FOXRED1: variants seen among roughly 807,000 people sequenced by gnomAD.
The protein encoded by FOXRED1 is FAD-dependent oxidoreductase domain-containing protein 1.
FOXRED1 carries 52 observed loss-of-function variants against 57.8 expected under a neutral mutation model. The observed-to-expected ratio is 0.90, with a 90% confidence interval of 0.72 to 1.13. FOXRED1 has a LOEUF of 1.13. FOXRED1 is among the 50% of genes most tolerant of loss of function. The pLI is 0.00. For missense variants in FOXRED1, 589 were observed against 625.2 expected, an observed-to-expected ratio of 0.94 and a Z score of 0.62; for synonymous variants, 271 against 248.3, an observed-to-expected ratio of 1.09 and a Z score of -0.86.
In FOXRED1 at chr11:126,269,260, G is replaced by T. The variant is rs1268592745; in HGVS notation, c.54G>T (p.Arg18Ser). 8.7e-6 allele frequency: 14 copies of T among 1,614,098 alleles called. No homozygotes were observed. Among genetic ancestry groups the T allele is most frequent in the Non-Finnish European group, 1.0e-5 (12 of 1,180,038 alleles). The part of the protein sequence containing the change: ...HGMGRGLLTR[R>S]PGTRRGGFSL... ...TGGGCCGGGGCCTCTTGACCCGGAG[G>T]CCAGGCACGCGCAGAGGAGGCTTTT... is the stretch of plus-strand genomic sequence containing the variant. The change falls in exon 1 of 11, where the codon AGG (arginine) becomes AGT (serine). Residue 18 changes from arginine to serine, a missense_variant. Arg to Ser is a moderately radical substitution (Grantham distance 110). Coordinates refer to ENST00000263578, the MANE Select transcript of FOXRED1 (RefSeq NM_017547.4).
chr11:126,277,764 TC>T lies in FOXRED1; in HGVS notation c.*79del. ...ACAGCCTTGTTTGCTGCTTCCATCT[TC>T]CCCAGTACTGTGCCAGGCCTTCTCC... On this transcript the variant is annotated 3_prime_UTR_variant, in exon 11 of 11. Coordinates refer to ENST00000263578, the MANE Select transcript of FOXRED1 (RefSeq NM_017547.4). The surrounding 1 kb of genome is among the most constrained non-coding windows in gnomAD (Gnocchi z 6.8). The T allele has an allele frequency of 6.6e-7, 1 of 1,507,778 alleles. No homozygotes were observed. The highest frequency in any genetic ancestry group is 9.2e-7 in the Non-Finnish European group (1 of 1,086,460). The allele number at this position is 1,507,778 out of a possible 1,614,324, so 93.4% of individuals were successfully genotyped here. A position where few individuals can be genotyped will look rare whatever the true frequency, so the allele number is the denominator to read the frequency against.
chr11:126,272,637 G>T lies in FOXRED1; in HGVS notation c.307-332G>T. Reference sequence around the variant, plus strand: ...CCTGTTTGCATTGCCAGCTAGCCACGAGTCTTGCTACTTTACTTCAATCAT... The same window carrying T: ...CCTGTTTGCATTGCCAGCTAGCCACTAGTCTTGCTACTTTACTTCAATCAT... On this transcript the variant is annotated intron_variant, in intron 2 of 10. Coordinates refer to ENST00000263578, the MANE Select transcript of FOXRED1 (RefSeq NM_017547.4). The surrounding 1 kb of genome is among the most constrained non-coding windows in gnomAD (Gnocchi z 4.6). 2.5e-6 allele frequency: 1 copy of T among 395,606 alleles called. No homozygotes were observed. The highest frequency in any genetic ancestry group is 4.8e-6 in the Non-Finnish European group (1 of 210,130). 24.5% of individuals were successfully genotyped at this position (395,606 alleles called of 1,614,324 possible).
At position 126,271,004 on chromosome 11, in the gene FOXRED1, G is replaced by C. The variant is rs1169927026; in HGVS notation, c.86-433G>C. On this transcript the variant is annotated intron_variant, in intron 1 of 10. Transcript: ENST00000263578. This position sits in a 1 kb window ranked among gnomAD's most constrained non-coding sequence, Gnocchi z 5.3. ...ATGGATAGGATATAAATGTAGGTTTGGTGGTGGTGATGGATATCCAGGATA... is the reference window on the plus strand; with the variant it reads ...ATGGATAGGATATAAATGTAGGTTTCGTGGTGGTGATGGATATCCAGGATA... The C allele has an allele frequency of 3.9e-6, 1 of 257,740 alleles. No homozygotes were observed. The highest frequency in any genetic ancestry group is 2.3e-5 in the African/African-American group (1 of 44,386). 16.0% of individuals were successfully genotyped at this position (257,740 alleles called of 1,614,324 possible). A position where few individuals can be genotyped will look rare whatever the true frequency, so the allele number is the denominator to read the frequency against.
chr11:126,276,324 G>GTAT, intron 8 of FOXRED1, 70 bp from the exon 9 acceptor site: 2 of 843,466 alleles, frequency 2.4e-6, no homozygotes, highest in South Asian at 1.5e-5. Context: ...TGGGGTGTGG[G>GTAT]GTGGACAGGG....
In FOXRED1 at chr11:126,277,337, C is replaced by CA. The variant is rs1220885322; in HGVS notation, c.1207-97dup. The CA allele has an allele frequency of 9.0e-6, 13 of 1,445,460 alleles. No individual in the cohort carries two copies. Among genetic ancestry groups the CA allele is most frequent in the Non-Finnish European group, 1.2e-5 (12 of 1,028,734 alleles). 89.5% of individuals were successfully genotyped at this position (1,445,460 alleles called of 1,614,324 possible). ...ACATCCCATCCCATAGACCCCTCAG[C>CA]AGCAGGTAGAGGGTACTCTGTGCTG... On this transcript the variant is annotated intron_variant, in intron 10 of 10. Coordinates refer to ENST00000263578, the MANE Select transcript of FOXRED1 (RefSeq NM_017547.4). The surrounding 1 kb of genome is among the most constrained non-coding windows in gnomAD (Gnocchi z 6.8).
chr11:126,276,358 T>C, intron 8 of FOXRED1, 36 bp from the exon 9 acceptor site: 1 of 1,136,148 alleles, frequency 8.8e-7, no homozygotes, highest in Non-Finnish European at 1.2e-6. Context: ...CCGGCCATGC[T>C]GTTTCTGCAG....
Position 126,275,706 on chromosome 11 carries a change from A to C in FOXRED1, c.734-88A>C. The stretch of plus-strand genomic sequence containing the variant: ...TCTGTGGGAAAGCTCCCATCCTTCC[A>C]GCTTTCTTTCCTTAAGAAACCAGTG... On this transcript the variant is annotated intron_variant, in intron 6 of 10. Coordinates refer to ENST00000263578, the MANE Select transcript of FOXRED1 (RefSeq NM_017547.4). This position sits in a 1 kb window ranked among gnomAD's most constrained non-coding sequence, Gnocchi z 5.9. 1.1e-6 allele frequency: 1 copy of C among 950,544 alleles called. No individual in the cohort carries two copies. Among genetic ancestry groups the C allele is most frequent in the Admixed American group, 1.9e-5 (1 of 53,760 alleles). 58.9% of individuals were successfully genotyped at this position (950,544 alleles called of 1,614,324 possible). A position where few individuals can be genotyped will look rare whatever the true frequency, so the allele number is the denominator to read the frequency against.
chr11:126,272,915 T>C lies in FOXRED1; in HGVS notation c.307-54T>C, dbSNP rs1391800747. On this transcript the variant is annotated intron_variant, in intron 2 of 10. Coordinates refer to ENST00000263578, the MANE Select transcript of FOXRED1 (RefSeq NM_017547.4). The surrounding 1 kb of genome is among the most constrained non-coding windows in gnomAD (Gnocchi z 4.6). ...GCTCGAAGCTTTCATTGCAGTATTC[T>C]AGTCACATGTGATAGGGTACTGGTC... 1 of 876,012 alleles carries C rather than the reference T, an allele frequency of 1.1e-6. No individual in the cohort carries two copies. The allele number at this position is 876,012 out of a possible 1,614,324, so 54.3% of individuals were successfully genotyped here. A position where few individuals can be genotyped will look rare whatever the true frequency, so the allele number is the denominator to read the frequency against.
At chr11:126,269,935 C>T (rs1950931367) in intron 1 of FOXRED1, among the ~76,000 whole-genome samples, 1 of 142,966 alleles carries the variant, frequency 7.0e-6, no homozygotes, top group African/African-American at 2.7e-5. Flanking sequence ...TGCAATGAGC[C>T]GAGATCATGC....
rs750019266 is a variant in FOXRED1, at chr11:126,274,961, G to T, written c.571G>T (p.Asp191Tyr). The change falls in exon 5 of 11, where the codon GAT becomes TAT. Residue 191 changes from aspartate to tyrosine, a missense_variant. Transcript: ENST00000263578. This position sits in a 1 kb window ranked among gnomAD's most constrained non-coding sequence, Gnocchi z 4.8. ...AGCCAAAGTTTCTCTGATGTCTCCT[G>T]ATCAGCTTCGGAACAAGTTTCCCTG... ...EGAKVSLMSP[D>Y]QLRNKFPWIN... 1.2e-5 allele frequency: 20 copies of T among 1,613,610 alleles called. No individual in the cohort carries two copies. Among genetic ancestry groups the T allele is most frequent in the Admixed American group, 1.7e-5 (1 of 59,998 alleles).
rs942825858 is a variant in FOXRED1 at position 126,278,067 on chromosome 11, G to T, written c.*378G>T. ...AGCACTCTGGGGCAGCCTGGCTCAG[G>T]TTTATTGATTTTCGTCTGTTTACCC... On this transcript the variant is annotated 3_prime_UTR_variant, in exon 11 of 11. Transcript: ENST00000263578. The surrounding 1 kb of genome is among the most constrained non-coding windows in gnomAD (Gnocchi z 4.8). 2.0e-6 allele frequency: 1 copy of T among 499,284 alleles called. No homozygotes were observed. The highest frequency in any genetic ancestry group is 1.9e-5 in the African/African-American group (1 of 51,898). 30.9% of individuals were successfully genotyped at this position (499,284 alleles called of 1,614,324 possible).
Position 126,270,045 on chromosome 11 carries a change from T to C in FOXRED1, c.85+754T>C, listed in dbSNP as rs374740176. Among the ~76,000 whole-genome samples, 22 of 151,040 alleles carry C rather than the reference T, an allele frequency of 1.5e-4. No individual in the cohort carries two copies. In the East Asian group the frequency reaches 2.7e-3, roughly 19 times the overall value. On this transcript the variant is annotated intron_variant, in intron 1 of 10. Coordinates refer to ENST00000263578, the MANE Select transcript of FOXRED1 (RefSeq NM_017547.4). ...AACTCAACTTAATGCTTTGCACTGC[T>C]AGCTAGTATAACGGTAGAAGTACAT...
In FOXRED1 at chr11:126,271,776, G is replaced by A. The variant is rs1380994015; in HGVS notation, c.306+119G>A. On this transcript the variant is annotated intron_variant, in intron 2 of 10. Transcript: ENST00000263578. This position sits in a 1 kb window ranked among gnomAD's most constrained non-coding sequence, Gnocchi z 5.3. ...AGACCTCAATCTCGGAGGGTCCAAC[G>A]GACAGAGATTGTGCTTTGGACTTTG... 3.6e-6 allele frequency: 3 copies of A among 831,992 alleles called. No individual in the cohort carries two copies. Among genetic ancestry groups the A allele is most frequent in the Middle Eastern group, 3.3e-4 (1 of 3,004 alleles). 51.5% of individuals were successfully genotyped at this position (831,992 alleles called of 1,614,324 possible).
At chr11:126,269,727 C>G (rs1478648886) in intron 1 of FOXRED1, among the ~76,000 whole-genome samples, 2 of 152,122 alleles carry the variant, frequency 1.3e-5, no homozygotes, top group Admixed American at 6.6e-5. Flanking sequence ...GGCGCGGGGC[C>G]TGTAATCCTA....
Position 126,271,353 on chromosome 11 carries a change from C to G in FOXRED1, c.86-84C>G. On this transcript the variant is annotated intron_variant, in intron 1 of 10. Transcript: ENST00000263578. This position sits in a 1 kb window ranked among gnomAD's most constrained non-coding sequence, Gnocchi z 5.3. ...TGCCAACTCATGTGTCTGTTTAGCT[C>G]ACCTTTTCCTGTGCCCATCCTCCAA... 4.0e-6 allele frequency: 4 copies of G among 988,050 alleles called. No homozygotes were observed. The highest frequency in any genetic ancestry group is 6.5e-6 in the Non-Finnish European group (4 of 612,884). The allele number at this position is 988,050 out of a possible 1,614,324, so 61.2% of individuals were successfully genotyped here.
At position 126,272,783 on chromosome 11, in the gene FOXRED1, A is replaced by C; in HGVS notation, c.307-186A>C. ...AGATGACTGACCCTCTCTGCTCTGC[A>C]CATCCACTACTAATGATTTTAAACA... On this transcript the variant is annotated intron_variant, in intron 2 of 10. Coordinates refer to ENST00000263578, the MANE Select transcript of FOXRED1 (RefSeq NM_017547.4). The surrounding 1 kb of genome is among the most constrained non-coding windows in gnomAD (Gnocchi z 4.6). 1 of 659,214 alleles carries C rather than the reference A, an allele frequency of 1.5e-6. No homozygotes were observed. Among genetic ancestry groups the C allele is most frequent in the Non-Finnish European group, 2.8e-6 (1 of 362,892 alleles). 40.8% of individuals were successfully genotyped at this position (659,214 alleles called of 1,614,324 possible).
chr11:126,277,444 G>A lies in FOXRED1; in HGVS notation c.1216G>A (p.Ala406Thr), dbSNP rs759731194. 9.9e-6 allele frequency: 16 copies of A among 1,612,932 alleles called. No individual in the cohort carries two copies. Among genetic ancestry groups the A allele is most frequent in the Admixed American group, 5.0e-5 (3 of 60,004 alleles). Reference protein sequence around the residue: ...PAFETLKVQSAWAGYYDYNTF... With the variant: ...PAFETLKVQSTWAGYYDYNTF... Reference sequence around the variant, plus strand: ...TTTTGTGCACCCGCAGGTTCAGAGCGCCTGGGCCGGCTATTACGACTACAA... The same window carrying A: ...TTTTGTGCACCCGCAGGTTCAGAGCACCTGGGCCGGCTATTACGACTACAA... Residue 406 changes from alanine (A) to threonine (T), a missense_variant, in exon 11 of 11, where the codon GCC becomes ACC. By Grantham distance (58) the Ala-to-Thr change is moderately conservative (BLOSUM62 0). Coordinates refer to ENST00000263578, the MANE Select transcript of FOXRED1 (RefSeq NM_017547.4). The surrounding 1 kb of genome is among the most constrained non-coding windows in gnomAD (Gnocchi z 6.8).
rs1951085597 is a variant in FOXRED1, at chr11:126,274,827, C to G, written c.537-100C>G. 3.7e-6 allele frequency: 3 copies of G among 800,994 alleles called. No individual in the cohort carries two copies. The East Asian group carries it at 7.3e-5, about 19-fold the overall frequency. The allele number at this position is 800,994 out of a possible 1,614,324, so 49.6% of individuals were successfully genotyped here. A position where few individuals can be genotyped will look rare whatever the true frequency, so the allele number is the denominator to read the frequency against. ...CATTTGGGGCAGAGAAGTGACATGA[C>G]TGAGCTGGACTCCCCACTTGTGGAG... On this transcript the variant is annotated intron_variant, in intron 4 of 10. Transcript: ENST00000263578. This position sits in a 1 kb window ranked among gnomAD's most constrained non-coding sequence, Gnocchi z 4.8.
In FOXRED1 at chr11:126,277,710, C is replaced by T; in HGVS notation, c.*21C>T. ...TCTGAGCATGTGTGCTCTGCACTGGCTCCACTGGCTTGCATCCTGGCTGTG... is the reference window on the plus strand; with the variant it reads ...TCTGAGCATGTGTGCTCTGCACTGGTTCCACTGGCTTGCATCCTGGCTGTG... On this transcript the variant is annotated 3_prime_UTR_variant, in exon 11 of 11. Coordinates refer to ENST00000263578, the MANE Select transcript of FOXRED1 (RefSeq NM_017547.4). This position sits in a 1 kb window ranked among gnomAD's most constrained non-coding sequence, Gnocchi z 6.8. 1 of 1,612,460 alleles carries T rather than the reference C, an allele frequency of 6.2e-7. No individual in the cohort carries two copies. The highest frequency in any genetic ancestry group is 8.5e-7 in the Non-Finnish European group (1 of 1,179,278).
Sources: allele counts gnomAD v4.1 joint callset (sites outside exome capture counted in the v4.1 genomes callset), GRCh38; gene constraint gnomAD v4.1.1; non-coding constraint Gnocchi (gnomAD v3.1); transcripts MANE v1.5; gene names NCBI Gene and HGNC (gene_info 2026-07-23, HGNC 2026-07-21).